The following NUF2 variants were observed in gnomAD, a reference collection of about 807,000 sequenced individuals.
NUF2 encodes the protein NUF2 component of NDC80 kinetochore complex.
A neutral mutation model predicts 61.8 loss-of-function variants in NUF2; 34 were observed. The observed-to-expected ratio is 0.55, with a 90% CI of 0.42 to 0.73. The LOEUF (loss-of-function observed/expected upper bound fraction) is 0.73, where lower values mean the gene tolerates loss of function less well. NUF2 is among the 30% of genes least tolerant of loss of function. The pLI, the probability that NUF2 is intolerant of heterozygous loss-of-function variation, is 0.00. For missense variants in NUF2, 445 were observed against 539.1 expected (o/e 0.83, Z 1.73); for synonymous variants, 172 against 181.6 (o/e 0.95, Z 0.42).
chr1:163,350,983 G>T (rs576258033), intron 13 of NUF2, among the ~76,000 whole-genome samples: 1 of 152,206 alleles, frequency 6.6e-6, no homozygotes, highest in East Asian at 1.9e-4. Flanking sequence ...GAGCAAATGT[G>T]TACCCTTTTC....
chr1:163,336,966 G>T, intron 6 of NUF2, 118 bp downstream of exon 6: 2 of 629,784 alleles, frequency 3.2e-6, no homozygotes, highest in Non-Finnish European at 5.5e-6. Context: ...CTTTAGAATT[G>T]AACTCATTTT....
In NUF2 at chr1:163,349,054, G is replaced by A. The variant is rs757297441; in HGVS notation, c.1234G>A (p.Ala412Thr). The A allele has an allele frequency of 6.2e-7, 1 of 1,608,894 alleles. No homozygotes were observed. The highest frequency in any genetic ancestry group is 8.5e-7 in the Non-Finnish European group (1 of 1,178,770). ...TGGAATTCAACAACTAAAAGATGCT[G>A]CTGAAAGGGAGAAACTGAAGTCCCA... The part of the protein sequence containing the change: ...KLGIQQLKDA[A>T]EREKLKSQEI... Residue 412 changes from alanine (A) to threonine (T), a missense_variant, in exon 13 of 14, where the codon GCT becomes ACT. Transcript: ENST00000271452.
intron 10 of NUF2, among the ~76,000 whole-genome samples, chr1:163,344,709 A>C (rs1177517939): frequency 1.6e-5 from 2 of 128,792 alleles, no homozygotes; most frequent in Admixed American, 7.9e-5. Context: ...TAAAAAACAT[A>C]TGTGGTTTGT....
At chr1:163,325,923 C>A in intron 1 of NUF2, 109 bp from the exon 2 acceptor site, 1 of 679,608 alleles carries the variant, frequency 1.5e-6, no homozygotes, top group Non-Finnish European at 2.5e-6. Flanking sequence ...ATAGTTAACA[C>A]TACTATGAAT....
intron 1 of NUF2, chr1:163,323,144 G>A (rs887057184): frequency 6.6e-5 from 10 of 152,178 alleles, no homozygotes; most frequent in African/African-American, 2.4e-4. Flanking sequence ...TGCGTTAAGT[G>A]TTTTTATAAG....
chr1:163,344,408 AG>A (rs1321401481), intron 10 of NUF2, among the ~76,000 whole-genome samples: 5 of 151,900 alleles, frequency 3.3e-5, no homozygotes, highest in Non-Finnish European at 7.4e-5. Context: ...TTGGGCTGGA[AG>A]TACAGGTGGA....
chr1:163,355,130 A>G lies in NUF2; in HGVS notation c.1261-205A>G, dbSNP rs905024067. ...TCTCATGTCGCTCCTTTGTTCCTTA[A>G]GTAGCAAACTTTTTGATGTGTTTGT... On this transcript the variant is annotated intron_variant, in intron 13 of 13. Transcript: ENST00000271452. 9.0e-5 allele frequency among the ~76,000 whole-genome samples: 3 copies of G among 33,236 alleles called. No individual in the cohort carries two copies. In the East Asian group the frequency reaches 6.8e-3, roughly 76 times the overall value. 21.8% of individuals were successfully genotyped at this position (33,236 alleles called of 152,430 possible).
chr1:163,345,607 AC>A, intron 10 of NUF2, 70 bp from the exon 11 acceptor site: 1 of 1,377,702 alleles, frequency 7.3e-7, no homozygotes. Flanking sequence ...TTAAGAGCAA[AC>A]AAATTGATAT....
intron 9 of NUF2, among the ~76,000 whole-genome samples, chr1:163,343,258 A>G (rs12742163): frequency 0.17 from 25,873 of 152,192 alleles, 2,289 homozygotes; most frequent in Non-Finnish European, 0.19. Context: ...TGAAACACAT[A>G]TTAAGTACAT....
chr1:163,326,128 C>G lies in NUF2; in HGVS notation c.77C>G (p.Ala26Gly), dbSNP rs1248435783. 1 of 1,612,944 alleles carries G rather than the reference C, an allele frequency of 6.2e-7. No homozygotes were observed. Residue 26 changes from alanine to glycine, a missense_variant, in exon 2 of 14, where the codon GCT (alanine) becomes GGT (glycine). Ala to Gly is a moderately conservative substitution (Grantham distance 60). Coordinates refer to ENST00000271452, the MANE Select transcript of NUF2 (RefSeq NM_145697.3). ...IHIRNKILTG[A>G]DGKNLTKNDL... is the part of the protein sequence containing the mutation. ...ATTCGCAATAAGATCTTAACAGGAG[C>G]TGATGGTAAAAACCTCACCAAGAAT...
intron 5 of NUF2, 118 bp from the exon 6 acceptor site, chr1:163,336,633 C>A: frequency 4.7e-6 from 3 of 636,846 alleles, no homozygotes; most frequent in Non-Finnish European, 5.5e-6. Context: ...TTTGTTATAT[C>A]CTATACAGTT....
At chr1:163,330,911 A>T (rs1361202841) in intron 5 of NUF2, among the ~76,000 whole-genome samples, 11 of 146,300 alleles carry the variant, frequency 7.5e-5, no homozygotes, top group African/African-American at 2.5e-4. Context: ...TGCTAAAATC[A>T]CTTATTATTT....
In NUF2 at chr1:163,339,319, G is replaced by A. The variant is rs147513326; in HGVS notation, c.510-62G>A. 8 of 915,186 alleles carry A rather than the reference G, an allele frequency of 8.7e-6. No individual in the cohort carries two copies. The African/African-American group carries it at 1.2e-4, about 13-fold the overall frequency. The allele number at this position is 915,186 out of a possible 1,614,324, so 56.7% of individuals were successfully genotyped here. On this transcript the variant is annotated intron_variant, in intron 7 of 13. Coordinates refer to ENST00000271452, the MANE Select transcript of NUF2 (RefSeq NM_145697.3). ...CTTCATCTCAGTTATTTGAGGACAG[G>A]TATTTCATTTTAGCCTTTCAAAAGT...
intron 6 of NUF2, among the ~76,000 whole-genome samples, chr1:163,337,298 T>C (rs1335229130): frequency 6.6e-6 from 1 of 152,102 alleles, no homozygotes; most frequent in Non-Finnish European, 1.5e-5. Context: ...CAAGGCAATC[T>C]CTTTAACAGA....
intron 1 of NUF2, 138 bp from the exon 2 acceptor site, chr1:163,325,894 C>T: frequency 1.9e-6 from 1 of 527,670 alleles, no homozygotes; most frequent in Admixed American, 3.0e-5. Flanking sequence ...TTGTATTTAT[C>T]TTACTAAGAT....
chr1:163,345,564 T>C, intron 10 of NUF2, 114 bp from the exon 11 acceptor site: 1 of 866,274 alleles, frequency 1.2e-6, no homozygotes, highest in South Asian at 1.8e-5. Flanking sequence ...TGTTCCGTGC[T>C]CTTAAGGTTT....
Position 163,347,785 on chromosome 1 carries a change from T to C in NUF2, c.971T>C (p.Ile324Thr). The C allele has an allele frequency of 1.3e-6, 2 of 1,590,270 alleles. No individual in the cohort carries two copies. The highest frequency in any genetic ancestry group is 1.7e-6 in the Non-Finnish European group (2 of 1,171,314). ...LKESLNLEDQIESDESELKKL... is the reference protein window; with the variant it reads ...LKESLNLEDQTESDESELKKL... ...CAGAGCCTGAACTTGGAGGACCAAA[T>C]TGAGAGTGATGAGTCAGAACTGAAG... Residue 324 changes from isoleucine (I) to threonine (T), a missense_variant, in exon 12 of 14, where the codon ATT becomes ACT. Physicochemically the swap from Ile to Thr is moderately conservative, Grantham distance 89. Coordinates refer to ENST00000271452, the MANE Select transcript of NUF2 (RefSeq NM_145697.3).
At chr1:163,341,740 G>T (rs1557952684) in intron 9 of NUF2, among the ~76,000 whole-genome samples, 1 of 152,040 alleles carries the variant, frequency 6.6e-6, no homozygotes, top group Admixed American at 6.6e-5. Context: ...GGATTCTCTT[G>T]CCTCAGCCTC....
chr1:163,330,041 AG>A (rs1203467291), intron 5 of NUF2, among the ~76,000 whole-genome samples: 1 of 152,180 alleles, frequency 6.6e-6, no homozygotes, highest in African/African-American at 2.4e-5. Flanking sequence ...GGGGTGAGGG[AG>A]GGATGAATAG....
Sources: allele counts gnomAD v4.1 joint callset (sites outside exome capture counted in the v4.1 genomes callset), GRCh38; gene constraint gnomAD v4.1.1; transcripts MANE v1.5; gene names NCBI Gene and HGNC (gene_info 2026-07-23, HGNC 2026-07-21).